The following KCNH8 variants were observed in gnomAD, a reference collection of about 807,000 sequenced individuals.
KCNH8 encodes potassium voltage-gated channel subfamily H member 8.
Under a neutral mutation model 103.6 loss-of-function variants are expected in KCNH8, and 70 were observed. That is an observed-to-expected ratio of 0.68 (90% confidence interval 0.56 to 0.82). KCNH8 has a LOEUF of 0.82. Ranked by LOEUF, KCNH8 falls within the 40% of genes least tolerant of loss-of-function variation. KCNH8 has a pLI of 0.00. For missense variants in KCNH8, 1,217 were observed against 1,329.9 expected (o/e 0.92, Z 1.32); for synonymous variants, 498 against 489.4 (o/e 1.02, Z -0.23).
At position 19,535,391 on chromosome 3, in the gene KCNH8, C is replaced by CAGTT. The variant is rs1410189980; in HGVS notation, c.*1295_*1298dup. 2.6e-5 allele frequency: 4 copies of CAGTT among 152,192 alleles called. No homozygotes were observed. Among genetic ancestry groups the CAGTT allele is most frequent in the Admixed American group, 6.5e-5 (1 of 15,290 alleles). 9.4% of individuals were successfully genotyped at this position (152,192 alleles called of 1,614,324 possible). A position where few individuals can be genotyped will look rare whatever the true frequency, so the allele number is the denominator to read the frequency against. ...CTCAGGGGAAGCCTCAGAGATTACA[C>CAGTT]AGTTAGGATGCTGACACAGTCTAGA... On this transcript the variant is annotated 3_prime_UTR_variant, in exon 16 of 16. Coordinates refer to ENST00000328405, the MANE Select transcript of KCNH8 (RefSeq NM_144633.3).
At chr3:19,382,752 C>A (rs1574996108) in intron 5 of KCNH8, among the ~76,000 whole-genome samples, 1 of 152,046 alleles carries the variant, frequency 6.6e-6, no homozygotes, top group African/African-American at 2.4e-5. Flanking sequence ...ACACTGTTAG[C>A]CCCTCTGCTC....
intron 7 of KCNH8, among the ~76,000 whole-genome samples, chr3:19,418,250 T>G (rs889025644): frequency 6.6e-5 from 10 of 152,206 alleles, no homozygotes; most frequent in Non-Finnish European, 1.5e-5. Context: ...AGCAGAAATT[T>G]AATGAATAGC....
intron 7 of KCNH8, among the ~76,000 whole-genome samples, chr3:19,431,780 A>G (rs1297394169): frequency 1.3e-5 from 2 of 151,296 alleles, no homozygotes; most frequent in Non-Finnish European, 2.9e-5. Flanking sequence ...ATTCTAGTTT[A>G]TGTGCACAGA....
chr3:19,485,468 G>A (rs2068185255), intron 11 of KCNH8, among the ~76,000 whole-genome samples: 1 of 152,242 alleles, frequency 6.6e-6, no homozygotes. Context: ...GCAAATGTGA[G>A]ATGTAGAAGT....
rs748615533 is a variant in KCNH8, at chr3:19,513,372, T to TTTATACAGAGTA, written c.2435+48_2435+59dup. 5.2e-6 allele frequency: 8 copies of TTTATACAGAGTA among 1,542,012 alleles called. No individual in the cohort carries two copies. The African/African-American group carries it at 1.1e-4, about 21-fold the overall frequency. Reference sequence around the variant, plus strand: ...CTTTCTCACGTGAACGTGGCTGCCTTTTATACAGAGTAGTACCTGCCTTCA... The same window carrying TTTATACAGAGTA: ...CTTTCTCACGTGAACGTGGCTGCCTTTTATACAGAGTATTATACAGAGTAGTACCTGCCTTCA... On this transcript the variant is annotated intron_variant, in intron 13 of 15. Transcript: ENST00000328405.
chr3:19,281,038 T>C (rs2064749854), intron 2 of KCNH8, among the ~76,000 whole-genome samples, 160 bp from the exon 3 acceptor site: 1 of 152,056 alleles, frequency 6.6e-6, no homozygotes, highest in Non-Finnish European at 1.5e-5. Context: ...GTATATAGGA[T>C]AGAAATTTAT....
chr3:19,444,098 A>G (rs2067326298), intron 8 of KCNH8, among the ~76,000 whole-genome samples: 2 of 152,104 alleles, frequency 1.3e-5, no homozygotes, highest in Admixed American at 1.3e-4. Context: ...ATCATGAAAA[A>G]GAACAAAATT....
rs138320774 is a variant in KCNH8, at chr3:19,207,311, G to C, written c.77-46343G>C. Reference sequence around the variant, plus strand: ...AATATATTTTTGGAGATAGCAGTTTGAGCAGAAAATACAATACTATATGAA... The same window carrying C: ...AATATATTTTTGGAGATAGCAGTTTCAGCAGAAAATACAATACTATATGAA... On this transcript the variant is annotated intron_variant, in intron 1 of 15. Transcript: ENST00000328405. Among the ~76,000 whole-genome samples, 237 of 152,080 alleles carry C rather than the reference G, an allele frequency of 1.6e-3. 2 individuals are homozygous for C. The highest frequency in any genetic ancestry group is 5.4e-3 in the African/African-American group (226 of 41,518).
At chr3:19,255,896 A>G (rs946470991) in intron 2 of KCNH8, among the ~76,000 whole-genome samples, 4 of 152,300 alleles carry the variant, frequency 2.6e-5, no homozygotes, top group African/African-American at 9.6e-5. Flanking sequence ...CAGAGCAACA[A>G]GATAGAAGGA....
chr3:19,494,428 G>A (rs1177321488), intron 11 of KCNH8, among the ~76,000 whole-genome samples: 1 of 152,100 alleles, frequency 6.6e-6, no homozygotes, highest in Non-Finnish European at 1.5e-5. Flanking sequence ...CTCTTTGCCT[G>A]CTGTCATCCA....
intron 3 of KCNH8, among the ~76,000 whole-genome samples, chr3:19,321,533 G>A (rs2065350002): frequency 6.6e-6 from 1 of 151,790 alleles, no homozygotes; most frequent in Non-Finnish European, 1.5e-5. Flanking sequence ...ATTCCACTGT[G>A]GTCTGAGACA....
chr3:19,208,802 C>G (rs997269114), intron 1 of KCNH8, among the ~76,000 whole-genome samples: 12 of 151,862 alleles, frequency 7.9e-5, no homozygotes, highest in Middle Eastern at 3.2e-3. Context: ...GTTGGTAATA[C>G]TCCAAAGAGA....
intron 7 of KCNH8, among the ~76,000 whole-genome samples, chr3:19,430,938 A>G (rs562320398): frequency 2.2e-4 from 33 of 152,316 alleles, no homozygotes; most frequent in Non-Finnish European, 4.0e-4. Context: ...AAACACAGAC[A>G]GTTTGACTTC....
At chr3:19,297,384 A>G (rs2065010098) in intron 3 of KCNH8, among the ~76,000 whole-genome samples, 2 of 152,226 alleles carry the variant, frequency 1.3e-5, no homozygotes, top group South Asian at 4.1e-4. Context: ...AGCAATACCT[A>G]GATGATACAT....
At chr3:19,463,478 A>G (rs2067675709) in intron 11 of KCNH8, among the ~76,000 whole-genome samples, 1 of 152,156 alleles carries the variant, frequency 6.6e-6, no homozygotes, top group Non-Finnish European at 1.5e-5. Flanking sequence ...GGCAATGTGT[A>G]GATGAAGAAA....
At chr3:19,315,679 A>C (rs2065264327) in intron 3 of KCNH8, among the ~76,000 whole-genome samples, 1 of 151,970 alleles carries the variant, frequency 6.6e-6, no homozygotes, top group African/African-American at 2.4e-5. Flanking sequence ...TCCTCAAAAT[A>C]GTTCTTTTGT....
At chr3:19,479,826 G>C (rs1050886113) in intron 11 of KCNH8, among the ~76,000 whole-genome samples, 1 of 152,142 alleles carries the variant, frequency 6.6e-6, no homozygotes, top group African/African-American at 2.4e-5. Context: ...ACCAATACTG[G>C]TTATGTTGCT....
intron 5 of KCNH8, among the ~76,000 whole-genome samples, chr3:19,355,443 T>C (rs564181756): frequency 2.6e-5 from 4 of 152,298 alleles, no homozygotes; most frequent in East Asian, 3.9e-4. Flanking sequence ...CATATGTTTA[T>C]TGCAGCACTA....
At chr3:19,255,035 T>C (rs930072927) in intron 2 of KCNH8, among the ~76,000 whole-genome samples, 2 of 152,030 alleles carry the variant, frequency 1.3e-5, no homozygotes, top group African/African-American at 2.4e-5. Flanking sequence ...GAAAAGATAA[T>C]TAGTGTTAAA....
Sources: allele counts gnomAD v4.1 joint callset (sites outside exome capture counted in the v4.1 genomes callset), GRCh38; gene constraint gnomAD v4.1.1; transcripts MANE v1.5; gene names NCBI Gene and HGNC (gene_info 2026-07-23, HGNC 2026-07-21).